Variants in KATNIP observed in about 807,000 individuals in gnomAD.
The protein encoded by KATNIP is katanin-interacting protein.
Under a neutral mutation model 174.0 loss-of-function variants are expected in KATNIP, and 126 were observed. The observed-to-expected ratio is 0.72, with a 90% confidence interval of 0.63 to 0.84. The LOEUF (loss-of-function observed/expected upper bound fraction) is 0.84. Ranked by LOEUF, KATNIP falls within the 40% of genes least tolerant of loss-of-function variation. The pLI, the probability that KATNIP is intolerant of heterozygous loss-of-function variation, is 0.00. For synonymous variants in KATNIP, 810 were observed against 835.7 expected, an observed-to-expected ratio of 0.97 and a Z score of 0.53; for missense variants, 1,958 against 2,109.7, an observed-to-expected ratio of 0.93 and a Z score of 1.41.
At chr16:27,607,933 C>T (rs1338170784) in intron 2 of KATNIP, among the ~76,000 whole-genome samples, 2 of 152,132 alleles carry the variant, frequency 1.3e-5, no homozygotes, top group African/African-American at 4.8e-5. Flanking sequence ...CAGTGTTATC[C>T]CGTCTAAGTG....
At position 27,681,505 on chromosome 16, in the gene KATNIP, C is replaced by T. The variant is rs765410319; in HGVS notation, c.915C>T (p.Phe305=). The change falls in exon 8 of 28, where the codon TTC becomes TTT. Residue 305 remains phenylalanine (F), a synonymous_variant. Transcript: ENST00000261588. ...TGACTCCCCAAGCTCCTGCTGTATT[C>T]CCAGACCAGGAGAGGATGTGCTCCA... ...PNLTPQAPAV[F]PDQERMCSRP... The T allele has an allele frequency of 4.3e-6, 7 of 1,614,120 alleles. No homozygotes were observed. Among genetic ancestry groups the T allele is most frequent in the Admixed American group, 1.7e-5 (1 of 60,002 alleles).
intron 15 of KATNIP, among the ~76,000 whole-genome samples, chr16:27,744,516 C>G (rs1002330091): frequency 2.0e-5 from 3 of 151,990 alleles, no homozygotes; most frequent in South Asian, 2.1e-4. Context: ...GTCTGGAGTT[C>G]AAGGCTGCAG....
intron 19 of KATNIP, among the ~76,000 whole-genome samples, chr16:27,763,671 A>C (rs1391885551): frequency 6.6e-6 from 1 of 152,064 alleles, no homozygotes; most frequent in Non-Finnish European, 1.5e-5. Flanking sequence ...TGATTTCTTA[A>C]ATTACCAGAT....
At chr16:27,726,518 A>G (rs1048045957) in intron 14 of KATNIP, among the ~76,000 whole-genome samples, 2 of 152,244 alleles carry the variant, frequency 1.3e-5, no homozygotes, top group African/African-American at 4.8e-5. Flanking sequence ...TGGTGACTAC[A>G]TAGGGGACCA....
chr16:27,588,306 A>G (rs899513848), intron 2 of KATNIP, among the ~76,000 whole-genome samples: 1 of 152,076 alleles, frequency 6.6e-6, no homozygotes, highest in African/African-American at 2.4e-5. Flanking sequence ...GGTATAACTT[A>G]TGTGCAATAA....
At chr16:27,707,056 C>G (rs2079339698) in intron 12 of KATNIP, among the ~76,000 whole-genome samples, 1 of 152,162 alleles carries the variant, frequency 6.6e-6, no homozygotes, top group Non-Finnish European at 1.5e-5. Context: ...GTGAGCTGAC[C>G]TCTCTCCCTC....
chr16:27,565,612 C>T (rs1407168911), intron 1 of KATNIP, among the ~76,000 whole-genome samples: 4 of 151,804 alleles, frequency 2.6e-5, no homozygotes, highest in Non-Finnish European at 5.9e-5. Context: ...ATAGTGAGAC[C>T]CCTGTCTCTA....
At chr16:27,636,000 A>C (rs774314957) in intron 5 of KATNIP, among the ~76,000 whole-genome samples, 1 of 152,086 alleles carries the variant, frequency 6.6e-6, no homozygotes, top group Non-Finnish European at 1.5e-5. Flanking sequence ...TAAAAATAAA[A>C]AAATTAGCCA....
chr16:27,669,373 C>T (rs1017594733), intron 6 of KATNIP: 19 of 919,546 alleles, frequency 2.1e-5, no homozygotes, highest in African/African-American at 3.6e-5. Flanking sequence ...TCTCCACCTG[C>T]GGTGTTGGCA....
At chr16:27,715,380 A>C (rs1247943621) in intron 13 of KATNIP, among the ~76,000 whole-genome samples, 1 of 152,244 alleles carries the variant, frequency 6.6e-6, no homozygotes, top group African/African-American at 2.4e-5. Flanking sequence ...GAATTTGTCA[A>C]TGAAGTCTTA....
At chr16:27,579,577 CACTCCAGCCAG>C (rs1379504607) in intron 2 of KATNIP, among the ~76,000 whole-genome samples, 1 of 152,152 alleles carries the variant, frequency 6.6e-6, no homozygotes, top group Non-Finnish European at 1.5e-5. Context: ...GGGCCTCCCT[CACTCCAGCCAG>C]ACTTGAGGCT....
chr16:27,779,726 G>A lies in KATNIP; in HGVS notation c.*1097G>A, dbSNP rs543303249. On this transcript the variant is annotated 3_prime_UTR_variant, in exon 28 of 28. Transcript: ENST00000261588. ...TGCACCCCCAGCCGAGTGAAGCCCAGAACGCATCTATATGCATCGATGTAA... is the reference window on the plus strand; with the variant it reads ...TGCACCCCCAGCCGAGTGAAGCCCAAAACGCATCTATATGCATCGATGTAA... 6.6e-6 allele frequency: 1 copy of A among 151,942 alleles called. No homozygotes were observed. Among genetic ancestry groups the A allele is most frequent in the East Asian group, 1.9e-4 (1 of 5,160 alleles). 9.4% of individuals were successfully genotyped at this position (151,942 alleles called of 1,614,324 possible). A position where few individuals can be genotyped will look rare whatever the true frequency, so the allele number is the denominator to read the frequency against.
At chr16:27,662,019 CAT>C (rs1172609551) in intron 6 of KATNIP, among the ~76,000 whole-genome samples, 1 of 36,402 alleles carries the variant, frequency 2.7e-5, no homozygotes, top group East Asian at 4.2e-4. Context: ...TATATATACA[CAT>C]ACATATATAT....
chr16:27,657,227 G>A (rs2077327253), intron 6 of KATNIP, among the ~76,000 whole-genome samples: 1 of 152,108 alleles, frequency 6.6e-6, no homozygotes, highest in Non-Finnish European at 1.5e-5. Context: ...TGTACATATT[G>A]AGAAGGAAAA....
chr16:27,698,623 T>G, intron 9 of KATNIP, 123 bp downstream of exon 9: 1 of 955,638 alleles, frequency 1.0e-6, no homozygotes. Context: ...GACCCCAGAC[T>G]CATCCGTGTT....
At chr16:27,582,604 A>G (rs1417023958) in intron 2 of KATNIP, among the ~76,000 whole-genome samples, 2 of 152,226 alleles carry the variant, frequency 1.3e-5, no homozygotes, top group South Asian at 4.1e-4. Flanking sequence ...GAAGCAGTGC[A>G]GCAGAGGAAT....
intron 19 of KATNIP, among the ~76,000 whole-genome samples, chr16:27,761,923 A>G (rs1045513769): frequency 1.3e-5 from 2 of 152,172 alleles, no homozygotes. Flanking sequence ...AAACCTTTGC[A>G]GTGGATGGTT....
intron 2 of KATNIP, among the ~76,000 whole-genome samples, chr16:27,605,444 G>A (rs1464580159): frequency 6.6e-6 from 1 of 152,202 alleles, no homozygotes; most frequent in South Asian, 2.1e-4. Flanking sequence ...CCTAGATTCT[G>A]GATCTGCCTT....
chr16:27,599,827 C>T lies in KATNIP; in HGVS notation c.64-18598C>T, dbSNP rs183566438. 2.8e-4 allele frequency among the ~76,000 whole-genome samples: 42 copies of T among 152,310 alleles called. 3 individuals carry two copies. Among genetic ancestry groups the T allele is most frequent in the East Asian group, 2.3e-3 (12 of 5,176 alleles). Reference sequence around the variant, plus strand: ...GGGCACGCGGTGTTTGTGGTCCATCCGCCTCAGTCCCGTGTCAGTCTCTGT... The same window carrying T: ...GGGCACGCGGTGTTTGTGGTCCATCTGCCTCAGTCCCGTGTCAGTCTCTGT... On this transcript the variant is annotated intron_variant, in intron 2 of 27. Transcript: ENST00000261588.
Sources: gnomAD v4.1 joint callset for allele counts (sites outside exome capture counted in the v4.1 genomes callset) on GRCh38, gnomAD v4.1.1 for gene constraint, MANE v1.5 for transcripts, NCBI Gene and HGNC (gene_info 2026-07-23, HGNC 2026-07-21) for gene names.